The following NUP153 variants were observed in gnomAD, a reference collection of about 807,000 sequenced individuals.
NUP153 encodes the protein nucleoporin 153.
NUP153 carries 27 observed loss-of-function variants against 134.6 expected under a neutral mutation model. That is an observed-to-expected ratio of 0.20 (90% confidence interval 0.15 to 0.28). NUP153 has a LOEUF of 0.28. Among genes scored for constraint, NUP153 ranks in the 10% least tolerant of loss-of-function variants. The pLI, the probability that NUP153 is intolerant of heterozygous loss-of-function variation, is 1.00. For synonymous variants in NUP153, 640 were observed against 623.5 expected, an observed-to-expected ratio of 1.03 and a Z score of -0.40; for missense variants, 1,821 against 1,731.3, an observed-to-expected ratio of 1.05 and a Z score of -0.92.
At chr6:17,618,477 A>AAC (rs965553832) in intron 20 of NUP153, among the ~76,000 whole-genome samples, 11 of 151,916 alleles carry the variant, frequency 7.2e-5, no homozygotes, top group African/African-American at 2.4e-4. Context: ...GGTGGGGGGG[A>AAC]ACCCAGAGGG....
At position 17,674,893 on chromosome 6, in the gene NUP153, A is replaced by G. The variant is rs1768123960; in HGVS notation, c.852+12T>C. The G allele has an allele frequency of 2.6e-6, 4 of 1,559,644 alleles. No individual in the cohort carries two copies. In the East Asian group the frequency reaches 9.2e-5, roughly 36 times the overall value. On this transcript the variant is annotated intron_variant, in intron 5 of 21. Transcript: ENST00000262077. ...AAAAAAAAAGATCATCAACCCTTCT[A>G]TTGGAACCTACCTGATAAGGTGTAT...
intron 2 of NUP153, among the ~76,000 whole-genome samples, chr6:17,676,069 G>A (rs1768206115): frequency 1.3e-5 from 2 of 152,094 alleles, no homozygotes; most frequent in Non-Finnish European, 2.9e-5. Flanking sequence ...TTTTGATGGT[G>A]TATTTTGTAA....
Position 17,637,663 on chromosome 6 carries a change from A to C in NUP153, c.1954T>G (p.Phe652Val). The C allele has an allele frequency of 6.2e-7, 1 of 1,613,354 alleles. No individual in the cohort carries two copies. The highest frequency in any genetic ancestry group is 1.3e-5 in the African/African-American group (1 of 74,946). Reference protein sequence around the residue: ...ISSFSSSGIGFGESLKAGSSW... With the variant: ...ISSFSSSGIGVGESLKAGSSW... ...GACCCAGCTTTTAAACTCTCCCCAA[A>C]CCCAATTCCACTAGAAGAAAAGCTA... Residue 652 changes from phenylalanine to valine, a missense_variant, in exon 16 of 22, where the codon TTT becomes GTT. By Grantham distance (50) the Phe-to-Val change is conservative. Transcript: ENST00000262077.
At chr6:17,695,327 C>T (rs1041812504) in intron 1 of NUP153, among the ~76,000 whole-genome samples, 1 of 152,130 alleles carries the variant, frequency 6.6e-6, no homozygotes, top group Non-Finnish European at 1.5e-5. Context: ...TTTTAATAAG[C>T]TCTTGAATTT....
At chr6:17,631,366 T>A (rs1022134373) in intron 17 of NUP153, among the ~76,000 whole-genome samples, 38 of 152,192 alleles carry the variant, frequency 2.5e-4, no homozygotes, top group African/African-American at 8.9e-4. Context: ...TTTGTTTAAT[T>A]TGTATAAATT....
intron 11 of NUP153, among the ~76,000 whole-genome samples, chr6:17,656,729 A>G (rs569155948): frequency 6.6e-6 from 1 of 152,306 alleles, no homozygotes; most frequent in East Asian, 1.9e-4. Context: ...ATTGGCCTTA[A>G]GGTAGTATGT....
intron 2 of NUP153, among the ~76,000 whole-genome samples, chr6:17,684,256 G>A (rs1458014304): frequency 1.3e-5 from 2 of 152,134 alleles, no homozygotes; most frequent in South Asian, 2.1e-4. Context: ...AACCACCTTC[G>A]TCAGTGCTCT....
intron 12 of NUP153, 110 bp from the exon 13 acceptor site, chr6:17,648,015 T>C (rs867330765): frequency 1.6e-5 from 11 of 683,478 alleles, no homozygotes; most frequent in Middle Eastern, 3.6e-4. Flanking sequence ...AAGTATTTTT[T>C]CCTTTTAAAT....
At chr6:17,630,767 G>GAGGGGAGAGGAGAGAAGAGAGAAGAC (rs1423699410) in intron 17 of NUP153, among the ~76,000 whole-genome samples, 2 of 150,232 alleles carry the variant, frequency 1.3e-5, no homozygotes, top group African/African-American at 2.4e-5. Flanking sequence ...GGAGAGGGGA[G>GAGGGGAGAGGAGAGAAGAGAGAAGAC]AGGGGAGAGG....
At chr6:17,660,840 C>T (rs1014754040) in intron 11 of NUP153, among the ~76,000 whole-genome samples, 1 of 152,056 alleles carries the variant, frequency 6.6e-6, no homozygotes, top group Non-Finnish European at 1.5e-5. Flanking sequence ...AAATACTGCA[C>T]GTGTGCAGAC....
chr6:17,689,872 A>T (rs1287365035), intron 1 of NUP153, among the ~76,000 whole-genome samples: 1 of 152,108 alleles, frequency 6.6e-6, no homozygotes, highest in African/African-American at 2.4e-5. Flanking sequence ...GTGGTATAAT[A>T]GCTTTCACTA....
chr6:17,684,706 A>G lies in NUP153; in HGVS notation c.334+3690T>C, dbSNP rs1220374529. ...CACATGCCTTCCTCACTAAACTTAC[A>G]TACTTACAGCTTTTGGATAAAAGAC... On this transcript the variant is annotated intron_variant, in intron 2 of 21. Coordinates refer to ENST00000262077, the MANE Select transcript of NUP153 (RefSeq NM_005124.4). Among the ~76,000 whole-genome samples, 5 of 152,276 alleles carry G rather than the reference A, an allele frequency of 3.3e-5. No individual in the cohort carries two copies. In the East Asian group the frequency reaches 9.6e-4, roughly 29 times the overall value.
rs1176184802 is a variant in NUP153 at position 17,625,747 on chromosome 6, C to A, written c.3901+61G>T. On this transcript the variant is annotated intron_variant, in intron 19 of 21. Transcript: ENST00000262077. The surrounding 1 kb of genome is among the most constrained non-coding windows in gnomAD (Gnocchi z 4.7). ...CCTGCTATATGATATTCGCTAAGAACTGACACACTAATAAGTAAAGTCCAT... is the reference window on the plus strand; with the variant it reads ...CCTGCTATATGATATTCGCTAAGAAATGACACACTAATAAGTAAAGTCCAT... The A allele has an allele frequency of 1.6e-6, 2 of 1,275,168 alleles. No homozygotes were observed. The allele number at this position is 1,275,168 out of a possible 1,614,324, so 79.0% of individuals were successfully genotyped here. A position where few individuals can be genotyped will look rare whatever the true frequency, so the allele number is the denominator to read the frequency against.
intron 1 of NUP153, among the ~76,000 whole-genome samples, chr6:17,702,425 G>A (rs1031397734): frequency 4.0e-5 from 6 of 151,684 alleles, no homozygotes; most frequent in Admixed American, 1.3e-4. Context: ...GAAGAATGGC[G>A]TGAACCCGGG....
In NUP153 at chr6:17,632,780, T is replaced by C. The variant is rs775314165; in HGVS notation, c.2529A>G (p.Leu843=). 4 of 1,567,072 alleles carry C rather than the reference T, an allele frequency of 2.6e-6. No individual in the cohort carries two copies. The Admixed American group carries it at 6.9e-5, about 27-fold the overall frequency. ...VPVSLPSGGS[L]GLEKFKKPEG... The stretch of plus-strand genomic sequence containing the variant: ...CGGGTTTCTTGAACTTTTCCAATCC[T>C]AGAGAGCCTCCAGAAGGCAGAGAGA... The change falls in exon 17 of 22, where the codon CTA becomes CTG. Residue 843 remains leucine (L), a synonymous_variant. Coordinates refer to ENST00000262077, the MANE Select transcript of NUP153 (RefSeq NM_005124.4).
intron 16 of NUP153, among the ~76,000 whole-genome samples, chr6:17,635,010 CATA>C (rs910606927): frequency 2.0e-5 from 3 of 150,414 alleles, no homozygotes; most frequent in Non-Finnish European, 3.0e-5. Flanking sequence ...AAAAGAATCT[CATA>C]ATGTTTTAGA....
rs1321855976 is a variant in NUP153, at chr6:17,705,542, T to G, written c.111+735A>C. ...TGGAGTCCCGGTCAACTGTGGAGAA[T>G]GGCCAATTCCAGCCTCCAAAATAAA... is the stretch of plus-strand genomic sequence containing the variant. On this transcript the variant is annotated intron_variant, in intron 1 of 21. Coordinates refer to ENST00000262077, the MANE Select transcript of NUP153 (RefSeq NM_005124.4). Among the ~76,000 whole-genome samples the G allele has an allele frequency of 3.5e-5, 4 of 115,770 alleles. No homozygotes were observed. The East Asian group carries it at 1.2e-3, about 35-fold the overall frequency. The allele number at this position is 115,770 out of a possible 152,430, so 75.9% of individuals were successfully genotyped here.
chr6:17,692,426 A>G (rs1282264787), intron 1 of NUP153, among the ~76,000 whole-genome samples: 2 of 152,174 alleles, frequency 1.3e-5, no homozygotes, highest in Admixed American at 6.6e-5. Flanking sequence ...AGACAGGAGA[A>G]TCACTTGAGC....
chr6:17,633,993 G>A (rs1014899089), intron 16 of NUP153, among the ~76,000 whole-genome samples: 3 of 152,096 alleles, frequency 2.0e-5, no homozygotes, highest in African/African-American at 7.2e-5. Flanking sequence ...CTCTTAGTTG[G>A]TGACTCCACT....
Sources: allele counts gnomAD v4.1 joint callset (sites outside exome capture counted in the v4.1 genomes callset), GRCh38; gene constraint gnomAD v4.1.1; non-coding constraint Gnocchi (gnomAD v3.1); transcripts MANE v1.5; gene names NCBI Gene and HGNC (gene_info 2026-07-23, HGNC 2026-07-21).